SLC27A3: variants seen among roughly 807,000 people sequenced by gnomAD.
SLC27A3 encodes solute carrier family 27 member 3.
Under a neutral mutation model 60.1 loss-of-function variants are expected in SLC27A3, and 60 were observed. The ratio of observed to expected loss-of-function variants is 1.00; its 90% CI spans 0.81 to 1.24. SLC27A3 has a LOEUF of 1.24. Ranked by LOEUF, SLC27A3 falls within the 50% of genes most tolerant of loss-of-function variation. The pLI is 0.00. For synonymous variants in SLC27A3, 455 were observed against 409.0 expected, an observed-to-expected ratio of 1.11 and a Z score of -1.36; for missense variants, 1,079 against 929.9, an observed-to-expected ratio of 1.16 and a Z score of -2.09.
chr1:153,777,737 TTC>T, intron 3 of SLC27A3, 22 bp from the exon 4 acceptor site: 1 of 1,585,338 alleles, frequency 6.3e-7, no homozygotes, highest in Non-Finnish European at 8.6e-7. Flanking sequence ...ACCTCCCTTC[TTC>T]CCCCCTGCCC....
In SLC27A3 at chr1:153,776,566, G is replaced by A; in HGVS notation, c.716G>A (p.Gly239Glu). 2 of 1,614,190 alleles carry A rather than the reference G, an allele frequency of 1.2e-6. No individual in the cohort carries two copies. The highest frequency in any genetic ancestry group is 1.3e-5 in the African/African-American group (1 of 75,046). The change falls in exon 2 of 10, where the codon GGG becomes GAG. Residue 239 changes from glycine (G) to glutamate (E), a missense_variant. Coordinates refer to ENST00000624995, the MANE Select transcript of SLC27A3 (RefSeq NM_024330.4). ...EPDLPALRAMGLHLWAAGPGT... is the reference protein window; with the variant it reads ...EPDLPALRAMELHLWAAGPGT... ...GACCTGCCCGCCCTGAGAGCCATGGGGCTCCACCTGTGGGCTGCAGGCCCA... is the reference window on the plus strand; with the variant it reads ...GACCTGCCCGCCCTGAGAGCCATGGAGCTCCACCTGTGGGCTGCAGGCCCA...
In SLC27A3 at chr1:153,777,198, C is replaced by A. The variant is rs1250032383; in HGVS notation, c.1014C>A (p.Gly338=). ...PLYHMSGSLL[G]IVGCMGIGAT... is the part of the protein sequence containing the mutation. ...ACCACATGTCCGGTTCCCTGCTGGG[C>A]ATCGTGGGCTGCATGGGCATTGGTC... The change falls in exon 3 of 10, where the codon GGC becomes GGA. Residue 338 remains glycine, a synonymous_variant. Coordinates refer to ENST00000624995, the MANE Select transcript of SLC27A3 (RefSeq NM_024330.4). 13 of 1,614,158 alleles carry A rather than the reference C, an allele frequency of 8.1e-6. No homozygotes were observed. Among genetic ancestry groups the A allele is most frequent in the Non-Finnish European group, 9.3e-6 (11 of 1,180,054 alleles).
At position 153,779,942 on chromosome 1, in the gene SLC27A3, C is replaced by T. The variant is rs1350975086; in HGVS notation, c.1992C>T (p.Ala664=). The T allele has an allele frequency of 6.2e-7, 1 of 1,614,158 alleles. No individual in the cohort carries two copies. The highest frequency in any genetic ancestry group is 8.5e-7 in the Non-Finnish European group (1 of 1,180,026). ...PLYVLDQAVG[A]YLPLTTARYS... is the part of the protein sequence containing the mutation. The stretch of plus-strand genomic sequence containing the variant: ...ACGTTCTGGACCAGGCTGTAGGTGC[C>T]TACCTGCCCCTCACAACTGCCCGGT... The change falls in exon 10 of 10, where the codon GCC becomes GCT. Residue 664 remains alanine, a synonymous_variant. Transcript: ENST00000624995.
intron 3 of SLC27A3, chr1:153,777,464 A>C (rs1379209322): frequency 1.6e-6 from 1 of 621,524 alleles, no homozygotes; most frequent in East Asian, 2.7e-5. Flanking sequence ...GGACTGTGTC[A>C]GTCCAGGAAC....
rs758525342 is a variant in SLC27A3, at chr1:153,775,924, G to A, written c.427G>A (p.Gly143Arg). The change falls in exon 1 of 10, where the codon GGA becomes AGA. Residue 143 changes from glycine (G) to arginine (R), a missense_variant. Gly to Arg is a moderately radical substitution (Grantham distance 125, BLOSUM62 -2). Coordinates refer to ENST00000624995, the MANE Select transcript of SLC27A3 (RefSeq NM_024330.4). ...GCCGGGAGCCGGAGATGCAGCGGCCGGAAGCGGCGCGGAGTTTGCCGGAGG... is the reference window on the plus strand; with the variant it reads ...GCCGGGAGCCGGAGATGCAGCGGCCAGAAGCGGCGCGGAGTTTGCCGGAGG... ...AAPGAGDAAAGSGAEFAGGDG... is the reference protein window; with the variant it reads ...AAPGAGDAAARSGAEFAGGDG... The A allele has an allele frequency of 8.2e-6, 12 of 1,462,718 alleles. No individual in the cohort carries two copies. In the South Asian group the frequency reaches 1.1e-4, roughly 14 times the overall value. 90.6% of individuals were successfully genotyped at this position (1,462,718 alleles called of 1,614,324 possible).
Position 153,778,499 on chromosome 1 carries a change from A to C in SLC27A3, c.1393A>C (p.Thr465Pro). The change falls in exon 6 of 10, where the codon ACC becomes CCC. Residue 465 changes from threonine (T) to proline (P), a missense_variant. By Grantham distance (38) the Thr-to-Pro change is conservative. Coordinates refer to ENST00000624995, the MANE Select transcript of SLC27A3 (RefSeq NM_024330.4). Reference protein sequence around the residue: ...FPFSLIRYDVTTGEPIRDPQG... With the variant: ...FPFSLIRYDVPTGEPIRDPQG... ...CTTCTCCTTGATTCGCTATGATGTCACCACAGGAGAGCCAATTCGGGACCC... is the reference window on the plus strand; with the variant it reads ...CTTCTCCTTGATTCGCTATGATGTCCCCACAGGAGAGCCAATTCGGGACCC... 6.2e-7 allele frequency: 1 copy of C among 1,614,128 alleles called. No homozygotes were observed.
At position 153,775,861 on chromosome 1, in the gene SLC27A3, A is replaced by G. The variant is rs781275017; in HGVS notation, c.364A>G (p.Ser122Gly). Residue 122 changes from serine (S) to glycine (G), a missense_variant, in exon 1 of 10, where the codon AGC (serine) becomes GGC (glycine). By Grantham distance (56) the Ser-to-Gly change is moderately conservative. Coordinates refer to ENST00000624995, the MANE Select transcript of SLC27A3 (RefSeq NM_024330.4). Reference protein sequence around the residue: ...GWDWGPDGGDSGEGSAGEGER... With the variant: ...GWDWGPDGGDGGEGSAGEGER... ...GGACTGGGGACCCGACGGCGGCGACAGCGGCGAGGGGAGCGCTGGAGAAGG... is the reference window on the plus strand; with the variant it reads ...GGACTGGGGACCCGACGGCGGCGACGGCGGCGAGGGGAGCGCTGGAGAAGG... 2 of 1,492,776 alleles carry G rather than the reference A, an allele frequency of 1.3e-6. No individual in the cohort carries two copies. Among genetic ancestry groups the G allele is most frequent in the Admixed American group, 2.4e-5 (1 of 41,106 alleles). 92.5% of individuals were successfully genotyped at this position (1,492,776 alleles called of 1,614,324 possible). A position where few individuals can be genotyped will look rare whatever the true frequency, so the allele number is the denominator to read the frequency against.
chr1:153,778,634 G>T, intron 6 of SLC27A3, 53 bp from the exon 7 acceptor site: 1 of 1,609,626 alleles, frequency 6.2e-7, no homozygotes, highest in Non-Finnish European at 8.5e-7. Context: ...GTGGATGGGG[G>T]CAGAAGGCTC....
chr1:153,779,198 A>C lies in SLC27A3; in HGVS notation c.1731A>C (p.Gly577=), dbSNP rs202028339. 61 of 1,613,942 alleles carry C rather than the reference A, an allele frequency of 3.8e-5. No homozygotes were observed. In the Admixed American group the frequency reaches 9.8e-4, roughly 26 times the overall value. Residue 577 remains glycine (G), a synonymous_variant, in exon 8 of 10, where the codon GGA becomes GGC. Transcript: ENST00000624995. ...TTCTTCAGGAGGTGAACGTCTATGGAGTCACTGTGCCAGGTGCCTAGGCAT... is the reference window on the plus strand; with the variant it reads ...TTCTTCAGGAGGTGAACGTCTATGGCGTCACTGTGCCAGGTGCCTAGGCAT... ...LDFLQEVNVY[G]VTVPGHEGRA...
chr1:153,776,801 C>A, intron 2 of SLC27A3, 74 bp downstream of exon 2: 1 of 1,382,120 alleles, frequency 7.2e-7, no homozygotes. Flanking sequence ...CCAGACCACT[C>A]CTTCAAAGCC....
chr1:153,775,863 C>A lies in SLC27A3; in HGVS notation c.366C>A (p.Ser122Arg). 1.3e-6 allele frequency: 2 copies of A among 1,491,712 alleles called. No individual in the cohort carries two copies. The highest frequency in any genetic ancestry group is 1.3e-5 in the South Asian group (1 of 74,800). 92.4% of individuals were successfully genotyped at this position (1,491,712 alleles called of 1,614,324 possible). ...ACTGGGGACCCGACGGCGGCGACAG[C>A]GGCGAGGGGAGCGCTGGAGAAGGCG... ...GWDWGPDGGD[S>R]GEGSAGEGER... is the part of the protein sequence containing the mutation. Residue 122 changes from serine to arginine, a missense_variant, in exon 1 of 10, where the codon AGC (serine) becomes AGA (arginine). Transcript: ENST00000624995.
In SLC27A3 at chr1:153,778,225, G is replaced by A. The variant is rs1465960552; in HGVS notation, c.1226G>A (p.Trp409Ter). 1 of 1,613,740 alleles carries A rather than the reference G, an allele frequency of 6.2e-7. No individual in the cohort carries two copies. The highest frequency in any genetic ancestry group is 1.3e-5 in the African/African-American group (1 of 75,066). The part of the protein sequence containing the change: ...AVGSGLRPDT[W>*]ERFVRRFGPL... ...GGCAGCGGGCTGCGCCCAGATACCTGGGAGCGTTTTGTGCGGCGCTTCGGG... is the reference window on the plus strand; with the variant it reads ...GGCAGCGGGCTGCGCCCAGATACCTAGGAGCGTTTTGTGCGGCGCTTCGGG... The change falls in exon 5 of 10, where the codon TGG (tryptophan) becomes TAG (stop). Residue 409 changes from tryptophan to a stop codon, truncating the protein, a stop_gained. Transcript: ENST00000624995. LOFTEE classifies it high-confidence loss of function.
Position 153,777,178 on chromosome 1 carries a change from A to T in SLC27A3, c.994A>T (p.Met332Leu), listed in dbSNP as rs143746183. Residue 332 changes from methionine to leucine, a missense_variant, in exon 3 of 10, where the codon ATG becomes TTG. Transcript: ENST00000624995. ...VIYLALPLYH[M>L]SGSLLGIVGC... ...CTACCTCGCCCTCCCACTCTACCAC[A>T]TGTCCGGTTCCCTGCTGGGCATCGT... 1.9e-6 allele frequency: 3 copies of T among 1,614,060 alleles called. No homozygotes were observed. The East Asian group carries it at 6.7e-5, about 36-fold the overall frequency.
At position 153,777,256 on chromosome 1, in the gene SLC27A3, C is replaced by T. The variant is rs764569488; in HGVS notation, c.1036+36C>T. ...CCAACCCCACCTTCATTAATTCATC[C>T]AGTAGACATTTATTAAGCACGTACT... On this transcript the variant is annotated intron_variant, in intron 3 of 9. Transcript: ENST00000624995. 1.9e-6 allele frequency: 3 copies of T among 1,611,118 alleles called. No individual in the cohort carries two copies. The Admixed American group carries it at 5.0e-5, about 27-fold the overall frequency.
rs11552969 is a variant in SLC27A3, at chr1:153,779,442, C to G, written c.1844C>G (p.Pro615Arg). 3 of 1,613,804 alleles carry G rather than the reference C, an allele frequency of 1.9e-6. No homozygotes were observed. The African/African-American group carries it at 4.0e-5, about 22-fold the overall frequency. The change falls in exon 9 of 10, where the codon CCT (proline) becomes CGT (arginine). Residue 615 changes from proline to arginine, a missense_variant. Coordinates refer to ENST00000624995, the MANE Select transcript of SLC27A3 (RefSeq NM_024330.4). Reference sequence around the variant, plus strand: ...ACCCACGTGTCTGAGAACTTGCCACCTTATGCCCGGCCCCGATTCCTCAGG... The same window carrying G: ...ACCCACGTGTCTGAGAACTTGCCACGTTATGCCCGGCCCCGATTCCTCAGG... ...LYTHVSENLP[P>R]YARPRFLRLQ...
At chr1:153,778,382 C>A in intron 5 of SLC27A3, 27 bp downstream of exon 5, 1 of 1,613,802 alleles carries the variant, frequency 6.2e-7, no homozygotes, top group Non-Finnish European at 8.5e-7. Flanking sequence ...AAACTGAAAA[C>A]CCGTGGAACA....
intron 9 of SLC27A3, 68 bp downstream of exon 9, chr1:153,779,541 A>G: frequency 5.8e-6 from 9 of 1,547,252 alleles, no homozygotes; most frequent in Non-Finnish European, 7.9e-6. Flanking sequence ...CACCCCGTGT[A>G]TCAACTTAGG....
rs1673167967 is a variant in SLC27A3, at chr1:153,775,776, C to T, written c.279C>T (p.Tyr93=). 9.3e-6 allele frequency: 14 copies of T among 1,506,516 alleles called. No homozygotes were observed. Among genetic ancestry groups the T allele is most frequent in the African/African-American group, 1.4e-5 (1 of 69,356 alleles). The allele number at this position is 1,506,516 out of a possible 1,614,324, so 93.3% of individuals were successfully genotyped here. A position where few individuals can be genotyped will look rare whatever the true frequency, so the allele number is the denominator to read the frequency against. The change falls in exon 1 of 10, where the codon TAC becomes TAT. Residue 93 remains tyrosine, a synonymous_variant. Coordinates refer to ENST00000624995, the MANE Select transcript of SLC27A3 (RefSeq NM_024330.4). ...FLIHGSRRFS[Y]SEAERESNRA... ...TTCACGGCTCGCGGCGCTTTAGCTA[C>T]TCAGAGGCGGAGCGCGAGAGTAACA...
intron 7 of SLC27A3, 101 bp from the exon 8 acceptor site, chr1:153,779,013 C>G: frequency 2.1e-6 from 3 of 1,458,508 alleles, no homozygotes; most frequent in Non-Finnish European, 2.9e-6. Context: ...TCAGATCTCA[C>G]CATTTCATCC....
Sources: allele counts gnomAD v4.1 joint callset, GRCh38; gene constraint gnomAD v4.1.1; transcripts MANE v1.5; gene names NCBI Gene and HGNC (gene_info 2026-07-23, HGNC 2026-07-21).